Variants in COPG2 observed in about 807,000 individuals in gnomAD.
COPG2 encodes the protein coat protein complex I subunit gamma 2, also known as coatomer subunit gamma-2.
Under a neutral mutation model 46.3 loss-of-function variants are expected in COPG2, and 37 were observed. The observed-to-expected ratio is 0.80, with a 90% CI of 0.61 to 1.05. The LOEUF is 1.05. COPG2 is among the 50% of genes least tolerant of loss of function. The pLI is 0.00. For synonymous variants in COPG2, 159 were observed against 129.7 expected (o/e 1.23, Z -1.53); for missense variants, 427 against 387.8 (o/e 1.10, Z -0.85).
At chr7:130,625,005 G>A (rs1271661224) in intron 5 of COPG2, among the ~76,000 whole-genome samples, 1 of 152,146 alleles carries the variant, frequency 6.6e-6, no homozygotes, top group South Asian at 2.1e-4. Flanking sequence ...TTCCATAGTG[G>A]TTGTACTAAT....
At chr7:130,649,493 T>C (rs1246781351) in intron 5 of COPG2, among the ~76,000 whole-genome samples, 1 of 152,224 alleles carries the variant, frequency 6.6e-6, no homozygotes, top group Non-Finnish European at 1.5e-5. Context: ...AGTTCACTGT[T>C]TGTAAGTCCT....
At chr7:130,638,940 C>T (rs1207748861) in intron 5 of COPG2, among the ~76,000 whole-genome samples, 1 of 152,186 alleles carries the variant, frequency 6.6e-6, no homozygotes. Flanking sequence ...GTGCACCATT[C>T]CTCAAGGTGC....
chr7:130,590,687 G>C (rs587694311), intron 9 of COPG2, among the ~76,000 whole-genome samples: 2,004 of 152,104 alleles, frequency 0.013, 45 homozygotes, highest in African/African-American at 0.047. Flanking sequence ...CCCCGTCTGG[G>C]AAGTGAGGAG....
chr7:130,558,175 C>T (rs1037510590), intron 12 of COPG2, among the ~76,000 whole-genome samples: 5 of 151,934 alleles, frequency 3.3e-5, no homozygotes, highest in Non-Finnish European at 7.4e-5. Flanking sequence ...GGATCTGTGC[C>T]CCCAACCAAA....
chr7:130,591,256 C>T (rs1554448836), intron 9 of COPG2, among the ~76,000 whole-genome samples: 1,778 of 122,370 alleles, frequency 0.015, 43 homozygotes, highest in Non-Finnish European at 0.022. Context: ...CCGCTCCGTC[C>T]GGGAGGGAGG....
chr7:130,625,184 A>G (rs1480943971), intron 5 of COPG2, among the ~76,000 whole-genome samples: 1 of 151,930 alleles, frequency 6.6e-6, no homozygotes, highest in Non-Finnish European at 1.5e-5. Flanking sequence ...GCATTTTTTC[A>G]TATGTTTGTT....
intron 9 of COPG2, among the ~76,000 whole-genome samples, chr7:130,593,921 A>G (rs1192861325): frequency 6.6e-6 from 1 of 152,200 alleles, no homozygotes; most frequent in African/African-American, 2.4e-5. Context: ...TTCTAAAGTA[A>G]AAGACTGATA....
At chr7:130,616,778 GC>G (rs1430491270) in intron 6 of COPG2, among the ~76,000 whole-genome samples, 1 of 151,946 alleles carries the variant, frequency 6.6e-6, no homozygotes, top group Non-Finnish European at 1.5e-5. Flanking sequence ...GTTCAAGGGG[GC>G]AAATAAAGAG....
chr7:130,558,465 T>G (rs1793666133), intron 12 of COPG2, among the ~76,000 whole-genome samples: 1 of 152,216 alleles, frequency 6.6e-6, no homozygotes, highest in Admixed American at 6.5e-5. Flanking sequence ...TGCAGAACTG[T>G]GAGCCAATTA....
chr7:130,639,042 A>C (rs6975545), intron 5 of COPG2, among the ~76,000 whole-genome samples: 121,881 of 152,000 alleles, frequency 0.8, 49,097 homozygotes, highest in Non-Finnish European at 0.85. Flanking sequence ...CTTCAACTTG[A>C]CCTCCAGGGG....
chr7:130,556,025 G>C (rs1793617955), intron 12 of COPG2, among the ~76,000 whole-genome samples: 1 of 152,086 alleles, frequency 6.6e-6, no homozygotes, highest in Non-Finnish European at 1.5e-5. Context: ...GCCAGAGTGT[G>C]AGCATTTTGG....
At chr7:130,637,775 G>T (rs1422309047) in intron 5 of COPG2, among the ~76,000 whole-genome samples, 3 of 152,150 alleles carry the variant, frequency 2.0e-5, no homozygotes, top group Non-Finnish European at 4.4e-5. Context: ...TGTTGGCAAG[G>T]AGTTGTGATC....
At chr7:130,634,463 A>C (rs1554455792) in intron 5 of COPG2, among the ~76,000 whole-genome samples, 1 of 151,946 alleles carries the variant, frequency 6.6e-6, no homozygotes, top group Admixed American at 6.6e-5. Context: ...ATTCCTAGGT[A>C]TTTTATTCTT....
chr7:130,531,089 G>C (rs902006105), intron 20 of COPG2, among the ~76,000 whole-genome samples: 115 of 137,202 alleles, frequency 8.4e-4, no homozygotes, highest in African/African-American at 3.0e-3. Context: ...GGTGGGGTTT[G>C]GGTCTGGGTT....
intron 9 of COPG2, among the ~76,000 whole-genome samples, chr7:130,584,940 T>C (rs1282364485): frequency 1.3e-5 from 2 of 151,558 alleles, no homozygotes; most frequent in Non-Finnish European, 2.9e-5. Flanking sequence ...AATACCACCA[T>C]CATTCTTCAC....
At chr7:130,610,059 G>A (rs933614693) in intron 9 of COPG2, 3 of 518,194 alleles carry the variant, frequency 5.8e-6, no homozygotes, top group Non-Finnish European at 1.2e-5. Context: ...TCATCTGTAA[G>A]TCAGCTTCTA....
chr7:130,557,564 T>C (rs1317560800), intron 12 of COPG2, among the ~76,000 whole-genome samples: 1 of 151,834 alleles, frequency 6.6e-6, no homozygotes, highest in Non-Finnish European at 1.5e-5. Flanking sequence ...TCCAGCACTT[T>C]GGGAGGTCGA....
At chr7:130,635,625 T>C (rs1328849516) in intron 5 of COPG2, among the ~76,000 whole-genome samples, 1 of 152,218 alleles carries the variant, frequency 6.6e-6, no homozygotes, top group Non-Finnish European at 1.5e-5. Flanking sequence ...TAGCAGTCCA[T>C]CTATTTTGCT....
chr7:130,531,017 T>G (rs1448267648), intron 20 of COPG2, among the ~76,000 whole-genome samples: 2 of 147,228 alleles, frequency 1.4e-5, no homozygotes, highest in African/African-American at 5.0e-5. Context: ...GGTGTGAATC[T>G]TGGGCCAGGC....
Sources: gnomAD v4.1 joint callset for allele counts (sites outside exome capture counted in the v4.1 genomes callset) on GRCh38, gnomAD v4.1.1 for gene constraint, MANE v1.5 for transcripts, NCBI Gene and HGNC (gene_info 2026-07-23, HGNC 2026-07-21) for gene names.